Variants in KCNH1 observed in about 807,000 individuals in gnomAD.
KCNH1 encodes the protein voltage-gated delayed rectifier potassium channel KCNH1.
In KCNH1, 27 loss-of-function variants were observed where a neutral mutation model predicts 69.2. The ratio of observed to expected loss-of-function variants is 0.39; its 90% CI spans 0.29 to 0.54. The LOEUF is 0.54. KCNH1 is among the 20% of genes least tolerant of loss of function. The pLI is 0.68. For synonymous variants in KCNH1, 456 were observed against 487.7 expected (o/e 0.93, Z 0.86); for missense variants, 798 against 1,261.6 (o/e 0.63, Z 5.57).
intron 1 of KCNH1, among the ~76,000 whole-genome samples, chr1:211,113,953 GTCTCTC>G (rs57115003): frequency 1.5e-5 from 2 of 132,854 alleles, no homozygotes; most frequent in South Asian, 2.5e-4. Flanking sequence ...CTCTCTCTCT[GTCTCTC>G]TCTCTCTCTC....
At chr1:210,729,756 T>C (rs921383625) in intron 10 of KCNH1, among the ~76,000 whole-genome samples, 6 of 152,116 alleles carry the variant, frequency 3.9e-5, no homozygotes, top group Admixed American at 3.3e-4. Context: ...ATAAAACCTT[T>C]CATCCTGGAT....
intron 7 of KCNH1, among the ~76,000 whole-genome samples, chr1:210,810,682 A>G (rs1238681795): frequency 6.6e-6 from 1 of 151,562 alleles, no homozygotes; most frequent in African/African-American, 2.4e-5. Flanking sequence ...TTCCTTTTTA[A>G]TTGCATTCTG....
intron 9 of KCNH1, among the ~76,000 whole-genome samples, chr1:210,783,959 G>A (rs1684042676): frequency 6.6e-6 from 1 of 152,224 alleles, no homozygotes; most frequent in Non-Finnish European, 1.5e-5. Context: ...GCTTCCATGT[G>A]TCTAATGGAC....
At chr1:211,072,378 GA>G (rs1690661186) in intron 5 of KCNH1, among the ~76,000 whole-genome samples, 1 of 152,176 alleles carries the variant, frequency 6.6e-6, no homozygotes, top group South Asian at 2.1e-4. Context: ...CCTTCAGAGG[GA>G]TTGAGAATGA....
At chr1:211,109,678 TG>T (rs1390721761) in intron 1 of KCNH1, among the ~76,000 whole-genome samples, 1 of 152,000 alleles carries the variant, frequency 6.6e-6, no homozygotes, top group African/African-American at 2.4e-5. Flanking sequence ...TATTTTCTCT[TG>T]TATACCAGAC....
intron 7 of KCNH1, among the ~76,000 whole-genome samples, chr1:210,888,669 AAAG>A (rs1165872220): frequency 2.6e-5 from 4 of 152,160 alleles, no homozygotes; most frequent in Non-Finnish European, 4.4e-5. Flanking sequence ...CCAGACTAAT[AAAG>A]AAGAAAAGAG....
At chr1:210,833,854 C>G (rs1003703767) in intron 7 of KCNH1, among the ~76,000 whole-genome samples, 200 of 152,094 alleles carry the variant, frequency 1.3e-3, no homozygotes, top group Middle Eastern at 3.4e-3. Flanking sequence ...AACAAACAAC[C>G]CCATCAAAAA....
rs1373590522 is a variant in KCNH1, at chr1:210,935,190, A to AT, written c.1033-15122_1033-15121insA. Among the ~76,000 whole-genome samples, 4 of 149,848 alleles carry AT rather than the reference A, an allele frequency of 2.7e-5. No homozygotes were observed. The East Asian group carries it at 7.8e-4, about 29-fold the overall frequency. ...CGAATAGTATTCAGCCATAAAAAAA[A>AT]AAATAAAATCCTGCCATTTGCAGGA... On this transcript the variant is annotated intron_variant, in intron 6 of 10. Transcript: ENST00000271751.
chr1:211,014,941 G>A (rs944395834), intron 6 of KCNH1, among the ~76,000 whole-genome samples: 3 of 152,156 alleles, frequency 2.0e-5, no homozygotes, highest in Non-Finnish European at 4.4e-5. Context: ...CCAACCCAGG[G>A]GGTTTTCCCT....
intron 10 of KCNH1, among the ~76,000 whole-genome samples, chr1:210,766,595 C>T (rs886880449): frequency 6.6e-6 from 1 of 151,876 alleles, no homozygotes; most frequent in Non-Finnish European, 1.5e-5. Flanking sequence ...AGACAAGGGG[C>T]TTCATCTAGA....
At chr1:211,000,586 C>T (rs1351467676) in intron 6 of KCNH1, among the ~76,000 whole-genome samples, 1 of 152,096 alleles carries the variant, frequency 6.6e-6, no homozygotes, top group South Asian at 2.1e-4. Flanking sequence ...GGTCATACTG[C>T]CCAAGGTAAT....
chr1:210,959,623 C>T lies in KCNH1; in HGVS notation c.1033-39554G>A, dbSNP rs915775917. Among the ~76,000 whole-genome samples the T allele has an allele frequency of 2.0e-5, 3 of 152,352 alleles. No homozygotes were observed. In the East Asian group the frequency reaches 5.8e-4, roughly 29 times the overall value. ...GCCTTAGCAATGGCAGACGCCCCTA[C>T]ATGCCCCCACAGGCTGCAGCCTCAC... On this transcript the variant is annotated intron_variant, in intron 6 of 10. Coordinates refer to ENST00000271751, the MANE Select transcript of KCNH1 (RefSeq NM_172362.3).
intron 7 of KCNH1, among the ~76,000 whole-genome samples, chr1:210,857,243 A>G (rs1043150399): frequency 1.4e-4 from 22 of 152,156 alleles, no homozygotes; most frequent in African/African-American, 5.3e-4. Flanking sequence ...TACCCTTGTT[A>G]AGGGAATTTC....
intron 4 of KCNH1, among the ~76,000 whole-genome samples, chr1:211,086,770 CTGAGAA>C (rs931335048): frequency 6.6e-6 from 1 of 152,074 alleles, no homozygotes; most frequent in Non-Finnish European, 1.5e-5. Flanking sequence ...TCCAACTCCT[CTGAGAA>C]TAAGTCCAGG....
intron 7 of KCNH1, chr1:210,858,813 T>C (rs559812210): frequency 1.8e-4 from 37 of 207,286 alleles, no homozygotes; most frequent in African/African-American, 8.1e-4. Context: ...CTGTAGCCCA[T>C]GCCTATTTTT....
rs547253323 is a variant in KCNH1, at chr1:210,780,995, C to T, written c.1916-5451G>A. On this transcript the variant is annotated intron_variant, in intron 9 of 10. Transcript: ENST00000271751. ...CCGGGAGATGGAGCTTGCAGTGAGC[C>T]GAGATCGCACCACTGCACTCCAGCC... Among the ~76,000 whole-genome samples the T allele has an allele frequency of 3.0e-4, 45 of 152,170 alleles. 1 individual carries two copies. The South Asian group carries it at 5.2e-3, about 18-fold the overall frequency.
intron 6 of KCNH1, among the ~76,000 whole-genome samples, chr1:210,958,973 C>A (rs1688244518): frequency 6.6e-6 from 1 of 152,216 alleles, no homozygotes; most frequent in African/African-American, 2.4e-5. Flanking sequence ...AGCTGCGATC[C>A]TTTGGAGGAG....
chr1:210,855,027 T>C (rs868117616), intron 7 of KCNH1, among the ~76,000 whole-genome samples: 16 of 152,190 alleles, frequency 1.1e-4, no homozygotes, highest in African/African-American at 3.6e-4. Context: ...TTTTTATTCA[T>C]TTTAACCTAA....
At chr1:211,035,681 T>G (rs6666342) in intron 5 of KCNH1, among the ~76,000 whole-genome samples, 32,687 of 152,054 alleles carry the variant, frequency 0.21, 4,419 homozygotes, top group East Asian at 0.39. Flanking sequence ...TTCACCCTGA[T>G]ATAAACTCTT....
Sources: allele counts gnomAD v4.1 joint callset (sites outside exome capture counted in the v4.1 genomes callset), GRCh38; gene constraint gnomAD v4.1.1; transcripts MANE v1.5; gene names NCBI Gene and HGNC (gene_info 2026-07-23, HGNC 2026-07-21).